CSF2RA: variants seen among roughly 807,000 people sequenced by gnomAD.
The protein encoded by CSF2RA is granulocyte-macrophage colony-stimulating factor receptor subunit alpha.
A neutral mutation model predicts 51.6 loss-of-function variants in CSF2RA; 42 were observed. The observed-to-expected ratio is 0.81, with a 90% CI of 0.64 to 1.05. CSF2RA has a LOEUF of 1.05. Among genes scored for constraint, CSF2RA ranks in the 50% least tolerant of loss-of-function variants. CSF2RA has a pLI of 0.00. For synonymous variants in CSF2RA, 222 were observed against 193.0 expected (o/e 1.15, Z -1.24); for missense variants, 530 against 501.1 (o/e 1.06, Z -0.55).
Position 1,305,595 on chromosome X carries a change from C to T in CSF2RA, c.1125+68C>T, listed in dbSNP as rs748732789. The stretch of plus-strand genomic sequence containing the variant: ...GGGAGTGGGGAGCGTGGGACACGGC[C>T]TCTGGGTGTCGACCATCTTGCTTCT... On this transcript the variant is annotated intron_variant, in intron 12 of 12. Transcript: ENST00000381529. 3 of 1,613,866 alleles carry T rather than the reference C, an allele frequency of 1.9e-6. No homozygotes were observed. The Admixed American group carries it at 5.0e-5, about 27-fold the overall frequency.
intron 9 of CSF2RA, among the ~76,000 whole-genome samples, chrX:1,296,243 T>C (rs1369383569): frequency 6.7e-6 from 1 of 149,910 alleles, no homozygotes; most frequent in Non-Finnish European, 1.5e-5. Context: ...ACTCCCCTAC[T>C]CACAACCCCT....
Position 1,309,383 on chromosome X carries a change from G to A in CSF2RA, c.1126-19G>A, listed in dbSNP as rs762199323. 1.2e-6 allele frequency: 2 copies of A among 1,613,466 alleles called. No homozygotes were observed. The highest frequency in any genetic ancestry group is 1.7e-6 in the Non-Finnish European group (2 of 1,179,438). On this transcript the variant is annotated intron_variant, in intron 12 of 12. Coordinates refer to ENST00000381529, the MANE Select transcript of CSF2RA (RefSeq NM_172245.4). Reference sequence around the variant, plus strand: ...TGAGCTCGTGAAGATCTGACAGCCTGAACCCTCCTTTTTCTCAGATCATCT... The same window carrying A: ...TGAGCTCGTGAAGATCTGACAGCCTAAACCCTCCTTTTTCTCAGATCATCT...
At position 1,274,745 on chromosome X, in the gene CSF2RA, C is replaced by G; in HGVS notation, c.-90-10C>G. On this transcript the variant is annotated splice_polypyrimidine_tract_variant and intron_variant, in intron 1 of 12. Coordinates refer to ENST00000381529, the MANE Select transcript of CSF2RA (RefSeq NM_172245.4). ...ATTTTGGGGTCCTGAGACTTATTTACCTTTCACAGTTTACAGCAGGAAAAT... is the reference window on the plus strand; with the variant it reads ...ATTTTGGGGTCCTGAGACTTATTTAGCTTTCACAGTTTACAGCAGGAAAAT... 1 of 453,216 alleles carries G rather than the reference C, an allele frequency of 2.2e-6. No individual in the cohort carries two copies. Among genetic ancestry groups the G allele is most frequent in the South Asian group, 1.6e-5 (1 of 64,454 alleles). The allele number at this position is 453,216 out of a possible 1,614,324, so 28.1% of individuals were successfully genotyped here.
At chrX:1,322,355 G>A in the CSF2RA span, among the ~76,000 whole-genome samples, 10 of 148,142 alleles carry the variant, frequency 6.8e-5, no homozygotes, top group Middle Eastern at 3.5e-3. Context: ...CTCGTGATCC[G>A]TCCACCTCAG....
intron 2 of CSF2RA, among the ~76,000 whole-genome samples, chrX:1,276,925 G>T (rs1275679084): frequency 6.6e-6 from 1 of 150,696 alleles, no homozygotes; most frequent in South Asian, 2.1e-4. Flanking sequence ...ATGGTGAAAT[G>T]CTATCTCTAC....
At chrX:1,280,930 T>C (rs2089883275) in intron 2 of CSF2RA, among the ~76,000 whole-genome samples, 1 of 129,884 alleles carries the variant, frequency 7.7e-6, no homozygotes, top group African/African-American at 2.9e-5. Context: ...CTCCTCCTTC[T>C]CCTCCTCCTC....
At chrX:1,282,642 C>A in intron 2 of CSF2RA, 36 bp from the exon 3 acceptor site, 1 of 1,463,620 alleles carries the variant, frequency 6.8e-7, no homozygotes, top group South Asian at 1.1e-5. Flanking sequence ...CTGGGAGAGG[C>A]AACCTTCTCA....
chrX:1,311,118 G>A (rs1421855650), downstream of CSF2RA, among the ~76,000 whole-genome samples: 3 of 151,646 alleles, frequency 2.0e-5, no homozygotes, highest in Non-Finnish European at 4.4e-5. Context: ...GTGTGGTGGC[G>A]GCCACCTGTA....
In CSF2RA at chrX:1,305,536, G is replaced by A; in HGVS notation, c.1125+9G>A. 1 of 1,613,994 alleles carries A rather than the reference G, an allele frequency of 6.2e-7. No individual in the cohort carries two copies. The highest frequency in any genetic ancestry group is 8.5e-7 in the Non-Finnish European group (1 of 1,179,876). ...ATGAGGTGGAAGACGAGGTAGGCAG[G>A]GGTGGGCGGAGCAGTGACCTGGGAT... On this transcript the variant is annotated intron_variant, in intron 12 of 12. Coordinates refer to ENST00000381529, the MANE Select transcript of CSF2RA (RefSeq NM_172245.4).
the CSF2RA span, among the ~76,000 whole-genome samples, chrX:1,317,127 T>A: frequency 6.6e-6 from 1 of 150,560 alleles, no homozygotes; most frequent in Non-Finnish European, 1.5e-5. Context: ...TTTTTGCATT[T>A]TTAGTAGAGA....
At chrX:1,294,034 G>T in intron 7 of CSF2RA, 1 of 200,332 alleles carries the variant, frequency 5.0e-6, no homozygotes. Flanking sequence ...AGTGTAGACA[G>T]GAGAAGACTG....
intron 1 of CSF2RA, among the ~76,000 whole-genome samples, chrX:1,270,897 C>T (rs1397113788): frequency 1.3e-5 from 2 of 150,552 alleles, no homozygotes; most frequent in Non-Finnish European, 2.9e-5. Context: ...CAAAATTAGC[C>T]GGGGCGTGGT....
At chrX:1,286,698 G>C (rs1223875415) in intron 4 of CSF2RA, among the ~76,000 whole-genome samples, 1 of 152,178 alleles carries the variant, frequency 6.6e-6, no homozygotes, top group African/African-American at 2.4e-5. Flanking sequence ...AGTGCTGTTA[G>C]CTCATGTCCA....
downstream of CSF2RA, chrX:1,310,366 T>TA (rs761222011): frequency 0.092 from 13,200 of 143,110 alleles, 687 homozygotes; most frequent in South Asian, 0.15. Flanking sequence ...CCATCACATT[T>TA]AAAAAAAAAA....
rs180794906 is a variant in CSF2RA at position 1,303,881 on chromosome X, G to A, written c.947-42G>A. On this transcript the variant is annotated intron_variant, in intron 10 of 12. Transcript: ENST00000381529. Reference sequence around the variant, plus strand: ...AGATTTAATTTCCTTTCACATGTCCGTCAACGATTCACCGCAGACGCAAAC... The same window carrying A: ...AGATTTAATTTCCTTTCACATGTCCATCAACGATTCACCGCAGACGCAAAC... The A allele has an allele frequency of 1.8e-4, 275 of 1,498,822 alleles. 1 individual carries two copies. In the East Asian group the frequency reaches 4.6e-3, roughly 25 times the overall value. 92.8% of individuals were successfully genotyped at this position (1,498,822 alleles called of 1,614,324 possible). A position where few individuals can be genotyped will look rare whatever the true frequency, so the allele number is the denominator to read the frequency against.
At chrX:1,286,342 G>A (rs1422984512) in intron 4 of CSF2RA, among the ~76,000 whole-genome samples, 1 of 151,804 alleles carries the variant, frequency 6.6e-6, no homozygotes, top group Non-Finnish European at 1.5e-5. Flanking sequence ...GCCGAGGCAG[G>A]TGGATCACCT....
In CSF2RA at chrX:1,299,842, C is replaced by T. The variant is rs549644830; in HGVS notation, c.811-649C>T. ...CTGAGGCAGGAGAATGGCGTGAACCCGGGAAGCGGAGGTTGCGGTGAGCCC... is the reference window on the plus strand; with the variant it reads ...CTGAGGCAGGAGAATGGCGTGAACCTGGGAAGCGGAGGTTGCGGTGAGCCC... On this transcript the variant is annotated intron_variant, in intron 9 of 12. Transcript: ENST00000381529. 4.2e-3 allele frequency among the ~76,000 whole-genome samples: 638 copies of T among 152,000 alleles called. 2 individuals are homozygous for T. Among genetic ancestry groups the T allele is most frequent in the South Asian group, 0.016 (76 of 4,804 alleles).
At chrX:1,324,422 A>G in the CSF2RA span, among the ~76,000 whole-genome samples, 30 of 87,688 alleles carry the variant, frequency 3.4e-4, no homozygotes, top group East Asian at 3.9e-3. Flanking sequence ...AGGAAAGAAA[A>G]AGAAAGAAGA....
At chrX:1,290,207 G>A in intron 6 of CSF2RA, 130 bp from the exon 7 acceptor site, 2 of 653,690 alleles carry the variant, frequency 3.1e-6, no homozygotes, top group Non-Finnish European at 5.0e-6. Context: ...TTTTTGTTTT[G>A]TGTTTTTGTT....
Sources: allele counts gnomAD v4.1 joint callset (sites outside exome capture counted in the v4.1 genomes callset), GRCh38; gene constraint gnomAD v4.1.1; transcripts MANE v1.5; gene names NCBI Gene and HGNC (gene_info 2026-07-23, HGNC 2026-07-21).